Variants in ANKUB1 observed in about 807,000 individuals in gnomAD.
ANKUB1 encodes the protein ankyrin repeat and ubiquitin domain containing 1.
Under a neutral mutation model 49.3 loss-of-function variants are expected in ANKUB1, and 42 were observed. The observed-to-expected ratio is 0.85, with a 90% CI of 0.67 to 1.10. The LOEUF (loss-of-function observed/expected upper bound fraction) is 1.10. ANKUB1 is among the 50% of genes least tolerant of loss of function. ANKUB1 has a pLI of 0.00. For synonymous variants in ANKUB1, 222 were observed against 231.0 expected, an observed-to-expected ratio of 0.96 and a Z score of 0.35; for missense variants, 613 against 642.0, an observed-to-expected ratio of 0.95 and a Z score of 0.49.
intron 2 of ANKUB1, among the ~76,000 whole-genome samples, chr3:149,786,670 G>A (rs547048865): frequency 3.3e-5 from 5 of 152,246 alleles, no homozygotes; most frequent in South Asian, 2.1e-4. Context: ...CCTATGTCCC[G>A]AATGGTATTG....
chr3:149,786,277 T>A (rs1443636813), intron 2 of ANKUB1, among the ~76,000 whole-genome samples: 2 of 152,164 alleles, frequency 1.3e-5, no homozygotes, highest in Non-Finnish European at 2.9e-5. Context: ...CCTCATGATC[T>A]ACCCACCTCG....
At chr3:149,770,477 G>T in intron 4 of ANKUB1, 83 bp downstream of exon 4, 1 of 987,246 alleles carries the variant, frequency 1.0e-6, no homozygotes, top group Non-Finnish European at 1.6e-6. Context: ...TGTAGAGTGA[G>T]TGAATTGCAG....
chr3:149,765,307 G>A (rs1443868938), intron 5 of ANKUB1, among the ~76,000 whole-genome samples: 2 of 152,090 alleles, frequency 1.3e-5, no homozygotes, highest in African/African-American at 4.8e-5. Context: ...AGTTACATCC[G>A]GGAAGGATCA....
intron 3 of ANKUB1, among the ~76,000 whole-genome samples, chr3:149,771,700 G>A (rs1469533467): frequency 1.3e-5 from 2 of 151,868 alleles, no homozygotes; most frequent in Non-Finnish European, 2.9e-5. Context: ...ACGACTTGCC[G>A]TATAGCCTGA....
At chr3:149,791,958 T>C (rs2108285079) in intron 1 of ANKUB1, among the ~76,000 whole-genome samples, 1 of 152,330 alleles carries the variant, frequency 6.6e-6, no homozygotes, top group Admixed American at 6.5e-5. Flanking sequence ...GAAGTTGGTG[T>C]CTTGCTTTGG....
chr3:149,779,240 T>C (rs1393019356), intron 3 of ANKUB1: 1 of 151,532 alleles, frequency 6.6e-6, no homozygotes, highest in Non-Finnish European at 1.5e-5. Context: ...AGTGGTGTGA[T>C]CATAGCTCAC....
At chr3:149,791,541 TC>T (rs1305544140) in intron 1 of ANKUB1, among the ~76,000 whole-genome samples, 2 of 152,206 alleles carry the variant, frequency 1.3e-5, no homozygotes, top group African/African-American at 4.8e-5. Flanking sequence ...GAGGTTAAGA[TC>T]CCTTGTGTTA....
intron 2 of ANKUB1, among the ~76,000 whole-genome samples, chr3:149,786,926 G>C (rs1718124334): frequency 6.6e-6 from 1 of 152,082 alleles, no homozygotes; most frequent in Non-Finnish European, 1.5e-5. Flanking sequence ...TGTTCCATTG[G>C]TCTATATATC....
chr3:149,788,510 A>T (rs1265466349), intron 2 of ANKUB1, among the ~76,000 whole-genome samples: 1 of 151,268 alleles, frequency 6.6e-6, no homozygotes, highest in Non-Finnish European at 1.5e-5. Context: ...GAAAATTTTT[A>T]AAATATTTTT....
intron 2 of ANKUB1, among the ~76,000 whole-genome samples, chr3:149,781,718 A>G (rs899879184): frequency 3.3e-5 from 5 of 152,180 alleles, no homozygotes; most frequent in African/African-American, 1.2e-4. Flanking sequence ...TATGGTCAAC[A>G]TGCAGACCTT....
Position 149,768,114 on chromosome 3 carries a change from T to TC in ANKUB1, c.567-20_567-19insG. 7.5e-7 allele frequency: 1 copy of TC among 1,333,382 alleles called. No individual in the cohort carries two copies. The highest frequency in any genetic ancestry group is 9.7e-7 in the Non-Finnish European group (1 of 1,028,682). The allele number at this position is 1,333,382 out of a possible 1,614,324, so 82.6% of individuals were successfully genotyped here. A position where few individuals can be genotyped will look rare whatever the true frequency, so the allele number is the denominator to read the frequency against. ...CTGATACCTAAATGAGTGAAACAAG[T>TC]GGGGAGGGGGTGTTTAGAAAATCAG... On this transcript the variant is annotated intron_variant, in intron 4 of 5. Transcript: ENST00000446160.
In ANKUB1 at chr3:149,766,835, CA is replaced by C. The variant is rs1576667866; in HGVS notation, c.1505+321del. The C allele has an allele frequency of 8.0e-6, 6 of 748,754 alleles. No individual in the cohort carries two copies. The East Asian group carries it at 1.9e-4, about 23-fold the overall frequency. 46.4% of individuals were successfully genotyped at this position (748,754 alleles called of 1,614,324 possible). ...AAAAGAAAAGCAGCAGCAGCAGCAG[CA>C]GCAGCAGCAGCAGCAGCAGCAGCAG... On this transcript the variant is annotated intron_variant, in intron 5 of 5. Coordinates refer to ENST00000446160, the MANE Select transcript of ANKUB1 (RefSeq NM_001144960.3).
intron 3 of ANKUB1, chr3:149,779,846 G>C (rs1451367291): frequency 5.1e-6 from 1 of 197,016 alleles, no homozygotes; most frequent in African/African-American, 2.3e-5. Flanking sequence ...TTCTTAGTCT[G>C]TAGACCCAGA....
intron 2 of ANKUB1, among the ~76,000 whole-genome samples, chr3:149,786,279 C>A (rs1386876196): frequency 6.6e-6 from 1 of 152,206 alleles, no homozygotes; most frequent in Non-Finnish European, 1.5e-5. Flanking sequence ...TCATGATCTA[C>A]CCACCTCGAC....
At chr3:149,764,110 T>C in intron 5 of ANKUB1, 2 of 445,554 alleles carry the variant, frequency 4.5e-6, no homozygotes, top group Non-Finnish European at 9.0e-6. Context: ...TGATGGTGCA[T>C]GTAGCCATCA....
intron 1 of ANKUB1, 109 bp downstream of exon 1, chr3:149,792,166 CCT>C (rs975679099): frequency 1.9e-5 from 12 of 627,048 alleles, no homozygotes; most frequent in Admixed American, 8.6e-5. Context: ...GTTTTCGTTC[CCT>C]GTTTGCTGAA....
At chr3:149,775,865 G>A (rs1395153683) in intron 3 of ANKUB1, among the ~76,000 whole-genome samples, 1 of 152,020 alleles carries the variant, frequency 6.6e-6, no homozygotes, top group Non-Finnish European at 1.5e-5. Context: ...ATGAGCATCT[G>A]GTACCATACA....
chr3:149,780,228 C>A lies in ANKUB1; in HGVS notation c.451+11G>T. 1 of 1,550,626 alleles carries A rather than the reference C, an allele frequency of 6.4e-7. No homozygotes were observed. The highest frequency in any genetic ancestry group is 1.4e-5 in the African/African-American group (1 of 73,126). ...CAAATGGTAGCTGATATCAAATATACTGGGCAGTACCAATATCAGTCTGGT... is the reference window on the plus strand; with the variant it reads ...CAAATGGTAGCTGATATCAAATATAATGGGCAGTACCAATATCAGTCTGGT... On this transcript the variant is annotated intron_variant, in intron 3 of 5. Coordinates refer to ENST00000446160, the MANE Select transcript of ANKUB1 (RefSeq NM_001144960.3).
intron 2 of ANKUB1, among the ~76,000 whole-genome samples, chr3:149,786,263 C>T (rs1267469846): frequency 6.6e-6 from 1 of 152,174 alleles, no homozygotes; most frequent in Non-Finnish European, 1.5e-5. Flanking sequence ...TCTCGAGCTC[C>T]TGACCTCATG....
Sources: gnomAD v4.1 joint callset for allele counts (sites outside exome capture counted in the v4.1 genomes callset) on GRCh38, gnomAD v4.1.1 for gene constraint, MANE v1.5 for transcripts, NCBI Gene and HGNC (gene_info 2026-07-23, HGNC 2026-07-21) for gene names.